The following SLC9C2 variants were observed in gnomAD, a reference collection of about 807,000 sequenced individuals.
The protein encoded by SLC9C2 is sodium/hydrogen exchanger 11.
Under a neutral mutation model 140.2 loss-of-function variants are expected in SLC9C2, and 75 were observed. That is an observed-to-expected ratio of 0.53 (90% CI 0.44 to 0.65). SLC9C2 has a LOEUF of 0.65. Ranked by LOEUF, SLC9C2 falls within the 30% of genes least tolerant of loss-of-function variation. SLC9C2 has a pLI of 0.00. For missense variants in SLC9C2, 1,074 were observed against 1,331.8 expected (o/e 0.81, Z 3.01); for synonymous variants, 375 against 420.9 (o/e 0.89, Z 1.34).
At chr1:173,505,217 T>C (rs771904049) in intron 26 of SLC9C2, 30 bp downstream of exon 26, 1 of 1,563,088 alleles carries the variant, frequency 6.4e-7, no homozygotes, top group South Asian at 1.1e-5. Flanking sequence ...TTCTCAATAG[T>C]TTTCCTACCA....
At chr1:173,537,257 G>A (rs1448740690) in intron 13 of SLC9C2, among the ~76,000 whole-genome samples, 1 of 152,066 alleles carries the variant, frequency 6.6e-6, no homozygotes, top group Admixed American at 6.6e-5. Context: ...GAGATAAAAA[G>A]GGTCTTAGCT....
At chr1:173,574,606 G>T (rs1665045231) in intron 8 of SLC9C2, among the ~76,000 whole-genome samples, 1 of 148,866 alleles carries the variant, frequency 6.7e-6, no homozygotes. Context: ...CACCTCCCAG[G>T]TTCACGCCAT....
chr1:173,548,671 T>G, intron 11 of SLC9C2, 119 bp from the exon 12 acceptor site: 4 of 1,068,076 alleles, frequency 3.7e-6, no homozygotes, highest in Non-Finnish European at 5.5e-6. Flanking sequence ...CCAGAGTGGT[T>G]AGAGCAAGGA....
At chr1:173,516,517 G>A (rs892849453) in intron 23 of SLC9C2, among the ~76,000 whole-genome samples, 12 of 151,990 alleles carry the variant, frequency 7.9e-5, no homozygotes, top group African/African-American at 2.9e-4. Context: ...CTCTGTGTCT[G>A]TGTGTTCTCA....
Position 173,587,304 on chromosome 1 carries a change from T to TA in SLC9C2, c.523+360_523+361insT, listed in dbSNP as rs1558092941. 2.6e-5 allele frequency among the ~76,000 whole-genome samples: 4 copies of TA among 152,350 alleles called. No homozygotes were observed. In the East Asian group the frequency reaches 7.7e-4, roughly 29 times the overall value. On this transcript the variant is annotated intron_variant, in intron 5 of 27. Transcript: ENST00000367714. ...GAATAGTCTCTTTAGGGATCTTTAATGTTTCCCCTTATTGGTAAACAAACT... is the reference window on the plus strand; with the variant it reads ...GAATAGTCTCTTTAGGGATCTTTAATAGTTTCCCCTTATTGGTAAACAAACT...
intron 11 of SLC9C2, among the ~76,000 whole-genome samples, chr1:173,550,227 C>T (rs1376147157): frequency 6.6e-6 from 1 of 151,886 alleles, no homozygotes; most frequent in African/African-American, 2.4e-5. Context: ...TATAGCCAGA[C>T]CCTGTTTCTA....
At chr1:173,544,527 T>C (rs1662693319) in intron 13 of SLC9C2, among the ~76,000 whole-genome samples, 1 of 152,190 alleles carries the variant, frequency 6.6e-6, no homozygotes, top group Non-Finnish European at 1.5e-5. Context: ...CAAAGGATTA[T>C]AAATCATGCT....
intron 18 of SLC9C2, among the ~76,000 whole-genome samples, chr1:173,529,159 G>C (rs1661397687): frequency 6.6e-6 from 1 of 152,180 alleles, no homozygotes; most frequent in Non-Finnish European, 1.5e-5. Context: ...TCTGTAACCT[G>C]GAAAATCAAT....
intron 25 of SLC9C2, 111 bp downstream of exon 25, chr1:173,506,745 C>T (rs1292932596): frequency 2.3e-6 from 2 of 864,238 alleles, no homozygotes; most frequent in African/African-American, 1.7e-5. Context: ...CAAGTAAGAA[C>T]TACAGGGTCA....
chr1:173,517,667 T>G lies in SLC9C2; in HGVS notation c.2777A>C (p.Asn926Thr). The G allele has an allele frequency of 6.2e-7, 1 of 1,613,462 alleles. No individual in the cohort carries two copies. The highest frequency in any genetic ancestry group is 8.5e-7 in the Non-Finnish European group (1 of 1,179,840). Residue 926 changes from asparagine (N) to threonine (T), a missense_variant, in exon 23 of 28, where the codon AAT becomes ACT. Physicochemically the swap from Asn to Thr is moderately conservative, Grantham distance 65. Coordinates refer to ENST00000367714, the MANE Select transcript of SLC9C2 (RefSeq NM_178527.4). Reference sequence around the variant, plus strand: ...TCTGGACCCTCTATCACACCTTTGATTACTCTCTATTCCAAAGGTAGGAGA... The same window carrying G: ...TCTGGACCCTCTATCACACCTTTGAGTACTCTCTATTCCAAAGGTAGGAGA... The part of the protein sequence containing the change: ...SLSPTFGIES[N>T]QRCDRGSRDM...
At chr1:173,556,819 T>C (rs1663739520) in intron 10 of SLC9C2, among the ~76,000 whole-genome samples, 1 of 151,758 alleles carries the variant, frequency 6.6e-6, no homozygotes, top group Admixed American at 6.6e-5. Context: ...TCCCAGCTAC[T>C]TGGGAAGCTG....
intron 5 of SLC9C2, among the ~76,000 whole-genome samples, chr1:173,586,832 G>C (rs534944135): frequency 1.3e-5 from 2 of 152,248 alleles, no homozygotes; most frequent in Admixed American, 6.5e-5. Context: ...TGAACAATGA[G>C]AACATATGGA....
At chr1:173,596,364 G>A (rs1438270175) in intron 4 of SLC9C2, 1 of 152,158 alleles carries the variant, frequency 6.6e-6, no homozygotes, top group Non-Finnish European at 1.5e-5. Flanking sequence ...GTTTCCCAAA[G>A]TGGTTGTACC....
At chr1:173,536,782 T>A (rs948311816) in intron 14 of SLC9C2, among the ~76,000 whole-genome samples, 160 bp downstream of exon 14, 1 of 152,110 alleles carries the variant, frequency 6.6e-6, no homozygotes, top group Non-Finnish European at 1.5e-5. Context: ...GATGGATAGA[T>A]GGATGGAAGG....
intron 13 of SLC9C2, among the ~76,000 whole-genome samples, chr1:173,546,590 AAAAT>A (rs1436285996): frequency 6.6e-6 from 1 of 152,190 alleles, no homozygotes; most frequent in Non-Finnish European, 1.5e-5. Flanking sequence ...CAAAATAAAT[AAAAT>A]AAATAAATAA....
intron 10 of SLC9C2, among the ~76,000 whole-genome samples, chr1:173,556,803 C>T (rs762895317): frequency 2.6e-5 from 4 of 151,832 alleles, no homozygotes; most frequent in Non-Finnish European, 4.4e-5. Context: ...TTGTGCACAC[C>T]TGTAATCCCA....
In SLC9C2 at chr1:173,503,306, C is replaced by A. The variant is rs759582681; in HGVS notation, c.3331G>T (p.Glu1111Ter). The A allele has an allele frequency of 2.4e-5, 38 of 1,613,746 alleles. No individual in the cohort carries two copies. Among genetic ancestry groups the A allele is most frequent in the Middle Eastern group, 1.6e-4 (1 of 6,062 alleles). Residue 1111 changes from glutamate to a stop codon, truncating the protein, a stop_gained, in exon 27 of 28, where the codon GAA becomes TAA. Coordinates refer to ENST00000367714, the MANE Select transcript of SLC9C2 (RefSeq NM_178527.4). LOFTEE classifies it low-confidence loss of function (END_TRUNC). ...CCATTTATATTCTTTCCTGGTTGTT[C>A]AAAGACCGTGTTGACTGAGGCTAAC... ...NVMASVNTVF[E>*]QPGKNINGRQ...
In SLC9C2 at chr1:173,587,859, G is replaced by T. The variant is rs745608090; in HGVS notation, c.358-29C>A. ...TGAACCAATTCATAACACAGTATTA[G>T]ACTTAACATCTAAAGATGGCATGAT... On this transcript the variant is annotated intron_variant, in intron 4 of 27. Transcript: ENST00000367714. 7 of 1,555,108 alleles carry T rather than the reference G, an allele frequency of 4.5e-6. No homozygotes were observed. The African/African-American group carries it at 9.5e-5, about 21-fold the overall frequency.
At chr1:173,545,540 G>T (rs1329967640) in intron 13 of SLC9C2, among the ~76,000 whole-genome samples, 1 of 152,214 alleles carries the variant, frequency 6.6e-6, no homozygotes, top group East Asian at 1.9e-4. Context: ...TGGGTGTCTG[G>T]GGGGCAGATA....
Sources: allele counts gnomAD v4.1 joint callset (sites outside exome capture counted in the v4.1 genomes callset), GRCh38; gene constraint gnomAD v4.1.1; transcripts MANE v1.5; gene names NCBI Gene and HGNC (gene_info 2026-07-23, HGNC 2026-07-21).